The following TENM1 variants were observed in gnomAD, a reference collection of about 807,000 sequenced individuals.
The protein encoded by TENM1 is teneurin-1.
TENM1 carries 35 observed loss-of-function variants against 174.8 expected under a neutral mutation model. That is an observed-to-expected ratio of 0.20 (90% confidence interval 0.15 to 0.27). TENM1 has a LOEUF of 0.27. Among genes scored for constraint, TENM1 ranks in the 10% least tolerant of loss-of-function variants. The probability of loss-of-function intolerance (pLI) is 1.00; values close to 1 mark genes in which losing one functional copy is unlikely to be tolerated. For missense variants in TENM1, 1,633 were observed against 2,130.1 expected (o/e 0.77, Z 4.59); for synonymous variants, 781 against 798.7 (o/e 0.98, Z 0.37).
At chrX:124,583,244 C>A (rs764537281) in intron 11 of TENM1, among the ~76,000 whole-genome samples, 1 of 111,661 alleles carries the variant, frequency 9.0e-6, no homozygotes, top group East Asian at 2.8e-4. Context: ...AGGTGGGTCC[C>A]TGACCCCTGA....
intron 22 of TENM1, among the ~76,000 whole-genome samples, chrX:124,458,409 C>G (rs1042291767): frequency 4.5e-5 from 5 of 112,005 alleles, no homozygotes; most frequent in African/African-American, 1.6e-4. Flanking sequence ...TAATGACAAG[C>G]TGAGATGATT....
chrX:124,861,364 C>T (rs2056909100), intron 3 of TENM1, among the ~76,000 whole-genome samples: 1 of 111,708 alleles, frequency 9.0e-6, no homozygotes, highest in African/African-American at 3.3e-5. Flanking sequence ...GTAAAAATGT[C>T]ATGAGTTTAT....
intron 18 of TENM1, among the ~76,000 whole-genome samples, chrX:124,509,175 G>A (rs757323581): frequency 9.0e-6 from 1 of 111,484 alleles, no homozygotes; most frequent in African/African-American, 3.3e-5. Context: ...GTGTAACCAG[G>A]AAATTTATGT....
At chrX:124,632,320 A>C (rs1445161797) in intron 11 of TENM1, among the ~76,000 whole-genome samples, 1 of 111,206 alleles carries the variant, frequency 9.0e-6, no homozygotes, top group East Asian at 2.8e-4. Flanking sequence ...AAAGGAGTTC[A>C]TTCAACTCTA....
intron 22 of TENM1, among the ~76,000 whole-genome samples, chrX:124,464,873 A>C (rs370817918): frequency 4.5e-5 from 5 of 112,052 alleles, no homozygotes; most frequent in African/African-American, 1.3e-4. Context: ...GAGGCATTTA[A>C]AATGCTGGGA....
intron 3 of TENM1, among the ~76,000 whole-genome samples, chrX:124,768,755 T>C (rs761374774): frequency 6.5e-4 from 73 of 112,472 alleles, no homozygotes; most frequent in African/African-American, 2.2e-3. Context: ...ATGCAAATAA[T>C]AGAATTTGTA....
chrX:124,420,807 C>A (rs752362916), exon 25 of TENM1: 1 of 1,207,107 alleles, frequency 8.3e-7, no homozygotes, highest in East Asian at 3.0e-5. Context: ...GCATCTTTGG[C>A]ATAGCCACCA....
At chrX:124,459,438 A>C (rs938863371) in intron 22 of TENM1, among the ~76,000 whole-genome samples, 13 of 110,969 alleles carry the variant, frequency 1.2e-4, no homozygotes, top group Admixed American at 2.9e-4. Context: ...AGAGAGGTAG[A>C]GTGACTAACT....
the TENM1 span, among the ~76,000 whole-genome samples, chrX:125,135,828 A>G: frequency 1.8e-5 from 2 of 112,040 alleles, no homozygotes; most frequent in African/African-American, 3.2e-5. Context: ...GTATAGCTAA[A>G]TGCAACTTAA....
chrX:124,857,113 TCA>T (rs1436044748), intron 3 of TENM1, among the ~76,000 whole-genome samples: 1 of 111,199 alleles, frequency 9.0e-6, no homozygotes, highest in African/African-American at 3.3e-5. Flanking sequence ...CCTCTACATC[TCA>T]CAGATAGTAG....
chrX:124,458,487 A>G (rs2061133833), intron 22 of TENM1, among the ~76,000 whole-genome samples: 1 of 112,490 alleles, frequency 8.9e-6, no homozygotes, highest in African/African-American at 3.2e-5. Context: ...TCACTGTAAT[A>G]TTATATGACT....
At chrX:124,520,768 A>T in exon 18 of TENM1, 1 of 1,189,034 alleles carries the variant, frequency 8.4e-7, no homozygotes, top group Non-Finnish European at 1.1e-6. Flanking sequence ...GGGAATGGGA[A>T]TTTCCTCCTG....
chrX:125,031,501 T>A, the TENM1 span, among the ~76,000 whole-genome samples: 2 of 112,072 alleles, frequency 1.8e-5, no homozygotes, highest in African/African-American at 6.5e-5. Flanking sequence ...AATTCTTTTT[T>A]AATTTTCATT....
intron 3 of TENM1, among the ~76,000 whole-genome samples, chrX:124,756,680 C>T (rs1166265548): frequency 9.0e-6 from 1 of 110,804 alleles, no homozygotes; most frequent in African/African-American, 3.3e-5. Context: ...TGTGGATGTC[C>T]TTTCTGTTTG....
chrX:125,082,611 G>A, the TENM1 span, among the ~76,000 whole-genome samples: 48 of 111,096 alleles, frequency 4.3e-4, no homozygotes, highest in African/African-American at 1.5e-3. Flanking sequence ...GCTGGCTCCT[G>A]TACTTCATTC....
At chrX:124,508,942 T>C (rs1304297410) in intron 18 of TENM1, among the ~76,000 whole-genome samples, 1 of 111,700 alleles carries the variant, frequency 9.0e-6, no homozygotes, top group Non-Finnish European at 1.9e-5. Flanking sequence ...AAATATGCAA[T>C]ATTTCATGGG....
At chrX:124,686,104 G>A (rs1465169377) in intron 5 of TENM1, among the ~76,000 whole-genome samples, 2 of 100,567 alleles carry the variant, frequency 2.0e-5, no homozygotes, top group Non-Finnish European at 3.9e-5. Flanking sequence ...AAAACAGCAA[G>A]AGAAAAGTGG....
At chrX:124,417,846 C>T (rs970282263) in intron 25 of TENM1, among the ~76,000 whole-genome samples, 3 of 111,728 alleles carry the variant, frequency 2.7e-5, no homozygotes, top group African/African-American at 9.8e-5. Context: ...TTGCTCAGGC[C>T]AAAACCTTTG....
chrX:124,872,030 C>CA (rs748541890), intron 3 of TENM1, among the ~76,000 whole-genome samples: 3,209 of 34,992 alleles, frequency 0.092, 225 homozygotes, highest in African/African-American at 0.21. Flanking sequence ...GACTCTGTCT[C>CA]AAAAAAAAAA....
Sources: allele counts gnomAD v4.1 joint callset (sites outside exome capture counted in the v4.1 genomes callset), GRCh38; gene constraint gnomAD v4.1.1; transcripts MANE v1.5; gene names NCBI Gene and HGNC (gene_info 2026-07-23, HGNC 2026-07-21).